OSBPL10: variants seen among roughly 807,000 people sequenced by gnomAD.
The protein encoded by OSBPL10 is oxysterol-binding protein-related protein 10.
OSBPL10 carries 49 observed loss-of-function variants against 81.7 expected under a neutral mutation model. The ratio of observed to expected loss-of-function variants is 0.60; its 90% confidence interval spans 0.48 to 0.76. The LOEUF is 0.76. Ranked by LOEUF, OSBPL10 falls within the 30% of genes least tolerant of loss-of-function variation. OSBPL10 has a pLI of 0.00. For synonymous variants in OSBPL10, 419 were observed against 383.6 expected (o/e 1.09, Z -1.08); for missense variants, 923 against 987.8 (o/e 0.93, Z 0.88).
chr3:31,727,292 T>C (rs1337168580), intron 6 of OSBPL10, among the ~76,000 whole-genome samples: 1 of 151,966 alleles, frequency 6.6e-6, no homozygotes, highest in East Asian at 1.9e-4. Context: ...CTAAGTTCTG[T>C]GATGCTTGGC....
At chr3:31,811,700 T>C (rs1006928103) in intron 4 of OSBPL10, among the ~76,000 whole-genome samples, 3 of 151,856 alleles carry the variant, frequency 2.0e-5, no homozygotes, top group African/African-American at 7.3e-5. Flanking sequence ...ACAAGACCAT[T>C]AAAAAAAAGA....
chr3:31,759,869 C>T (rs1697982463), intron 4 of OSBPL10, among the ~76,000 whole-genome samples: 1 of 152,080 alleles, frequency 6.6e-6, no homozygotes, highest in African/African-American at 2.4e-5. Context: ...AAGTAATTCT[C>T]GTGCCTCAGC....
At chr3:31,939,313 T>C (rs567159583) in intron 1 of OSBPL10, among the ~76,000 whole-genome samples, 2 of 151,668 alleles carry the variant, frequency 1.3e-5, no homozygotes, top group African/African-American at 4.8e-5. Context: ...CCCAGCTAAT[T>C]TTTGTATTTC....
chr3:31,988,814 A>G (rs1698980063), intron 2 of OSBPL10: 1 of 513,438 alleles, frequency 1.9e-6, no homozygotes, highest in Non-Finnish European at 3.5e-6. Context: ...TGACCTTGGA[A>G]GTAGGTTGTC....
intron 2 of OSBPL10, among the ~76,000 whole-genome samples, chr3:32,009,865 G>A (rs1699237074): frequency 6.6e-6 from 1 of 152,150 alleles, no homozygotes; most frequent in Admixed American, 6.5e-5. Context: ...TGTCAGTCAT[G>A]TCTCTGCGAG....
At chr3:32,027,784 G>A (rs565225288) in intron 2 of OSBPL10, among the ~76,000 whole-genome samples, 1 of 152,268 alleles carries the variant, frequency 6.6e-6, no homozygotes, top group East Asian at 1.9e-4. Flanking sequence ...GCACATCACT[G>A]TGCCCAGGTT....
At chr3:31,988,903 C>T in intron 2 of OSBPL10, 1 of 741,898 alleles carries the variant, frequency 1.3e-6, no homozygotes, top group Non-Finnish European at 2.2e-6. Context: ...CCAGGAACAC[C>T]CAGCTGAAGT....
intron 1 of OSBPL10, among the ~76,000 whole-genome samples, chr3:31,924,217 TA>T (rs34813837): frequency 6.9e-4 from 89 of 129,024 alleles, no homozygotes; most frequent in Admixed American, 1.3e-3. Context: ...AGACTTCATC[TA>T]AAAAAAAAAA....
chr3:31,982,814 CA>C (rs1474248845), upstream of OSBPL10, among the ~76,000 whole-genome samples: 1 of 152,216 alleles, frequency 6.6e-6, no homozygotes, highest in African/African-American at 2.4e-5. Flanking sequence ...CAAGAATGTT[CA>C]TTTGTTCAAA....
chr3:31,790,650 A>G (rs1698986446), intron 4 of OSBPL10, among the ~76,000 whole-genome samples: 1 of 152,180 alleles, frequency 6.6e-6, no homozygotes, highest in African/African-American at 2.4e-5. Flanking sequence ...GGCGCCTTGA[A>G]GTTTCTCGGA....
At chr3:31,968,878 T>G (rs1194878666) in intron 1 of OSBPL10, among the ~76,000 whole-genome samples, 1 of 152,174 alleles carries the variant, frequency 6.6e-6, no homozygotes, top group Non-Finnish European at 1.5e-5. Context: ...TAATAAAAAT[T>G]ACCACAAAGA....
intron 3 of OSBPL10, among the ~76,000 whole-genome samples, chr3:31,836,777 C>T (rs1019557419): frequency 3.3e-5 from 5 of 152,156 alleles, no homozygotes; most frequent in African/African-American, 1.2e-4. Flanking sequence ...CACTTTGCAT[C>T]CTCCATCCAC....
At chr3:31,877,112 A>T (rs1701494480) in intron 2 of OSBPL10, among the ~76,000 whole-genome samples, 1 of 151,982 alleles carries the variant, frequency 6.6e-6, no homozygotes, top group Non-Finnish European at 1.5e-5. Flanking sequence ...TCACTGTGTT[A>T]GCCAGGATGG....
At chr3:32,059,461 G>A (rs1217983775) in intron 1 of OSBPL10, among the ~76,000 whole-genome samples, 1 of 147,588 alleles carries the variant, frequency 6.8e-6, no homozygotes, top group Non-Finnish European at 1.5e-5. Flanking sequence ...CGTGGTGGTG[G>A]GCACCTATAA....
intron 1 of OSBPL10, among the ~76,000 whole-genome samples, chr3:31,926,288 T>TCCCCCC (rs1034706033): frequency 5.7e-5 from 5 of 88,142 alleles, no homozygotes; most frequent in South Asian, 5.1e-4. Context: ...TGGGTGATTT[T>TCCCCCC]GCCCCCCCAG....
intron 1 of OSBPL10, among the ~76,000 whole-genome samples, chr3:31,913,020 C>A (rs1277373918): frequency 6.6e-6 from 1 of 152,056 alleles, no homozygotes; most frequent in Non-Finnish European, 1.5e-5. Flanking sequence ...ACACATATAC[C>A]CACACACCCG....
intron 4 of OSBPL10, chr3:31,797,929 C>T (rs1397487046): frequency 5.3e-6 from 2 of 378,606 alleles, no homozygotes; most frequent in Admixed American, 3.1e-5. Context: ...ACTACATTTA[C>T]AGTCCCTGTT....
At chr3:31,961,841 C>T (rs1039038739) in intron 1 of OSBPL10, among the ~76,000 whole-genome samples, 1 of 151,160 alleles carries the variant, frequency 6.6e-6, no homozygotes, top group Non-Finnish European at 1.5e-5. Flanking sequence ...GGTTCCCTTT[C>T]AAGATAATTG....
rs530671832 is a variant in OSBPL10 at position 31,847,349 on chromosome 3, C to T, written c.538-17118G>A. 3.9e-5 allele frequency among the ~76,000 whole-genome samples: 6 copies of T among 152,226 alleles called. No individual in the cohort carries two copies. In the South Asian group the frequency reaches 1.2e-3, roughly 32 times the overall value. On this transcript the variant is annotated intron_variant, in intron 3 of 11. Transcript: ENST00000396556. ...GAAGCTGGGAGTACAGGCGTGCCCACCACACCTGGCTGATTTTTGTACTTT... is the reference window on the plus strand; with the variant it reads ...GAAGCTGGGAGTACAGGCGTGCCCATCACACCTGGCTGATTTTTGTACTTT...
Sources: gnomAD v4.1 joint callset for allele counts (sites outside exome capture counted in the v4.1 genomes callset) on GRCh38, gnomAD v4.1.1 for gene constraint, MANE v1.5 for transcripts, NCBI Gene and HGNC (gene_info 2026-07-23, HGNC 2026-07-21) for gene names.